Variants in HMGB1 observed in about 807,000 individuals in gnomAD.
The protein encoded by HMGB1 is high mobility group protein B1.
For missense variants in HMGB1, 79 were observed against 253.5 expected (o/e 0.31, Z 4.67); for synonymous variants, 81 against 84.0 (o/e 0.96, Z 0.19).
chr13:30,519,145 C>A (rs1212263800), intron 1 of HMGB1, among the ~76,000 whole-genome samples: 1 of 152,004 alleles, frequency 6.6e-6, no homozygotes, highest in Non-Finnish European at 1.5e-5. Context: ...GTAATCCCTG[C>A]ACTTTGGGAG....
chr13:30,525,462 C>T (rs1342814011), intron 1 of HMGB1, among the ~76,000 whole-genome samples: 1 of 152,140 alleles, frequency 6.6e-6, no homozygotes, highest in Non-Finnish European at 1.5e-5. Context: ...ACTCAAAGAT[C>T]CTTGACAGTA....
At chr13:30,467,887 G>C (rs1886835828), upstream of HMGB1, among the ~76,000 whole-genome samples, 1 of 152,180 alleles carries the variant, frequency 6.6e-6, no homozygotes, top group African/African-American at 2.4e-5. Context: ...TCCTGCCAGG[G>C]TGCATTTATG....
intron 1 of HMGB1, among the ~76,000 whole-genome samples, chr13:30,503,839 T>C (rs1887793403): frequency 2.0e-5 from 3 of 152,024 alleles, no homozygotes; most frequent in Non-Finnish European, 4.4e-5. Context: ...TGAGGACTGC[T>C]TGAGCCCAGG....
chr13:30,603,808 T>A (rs1420900471), intron 1 of HMGB1, among the ~76,000 whole-genome samples: 1 of 152,196 alleles, frequency 6.6e-6, no homozygotes, highest in Non-Finnish European at 1.5e-5. Context: ...TAATACCTCA[T>A]ACGATGAAAA....
At chr13:30,586,487 T>C (rs8002222) in intron 1 of HMGB1, among the ~76,000 whole-genome samples, 19 of 51,652 alleles carry the variant, frequency 3.7e-4, no homozygotes, top group African/African-American at 3.5e-3. Context: ...TTGTTTTTTT[T>C]TTTTTTTTTT....
intron 1 of HMGB1, among the ~76,000 whole-genome samples, chr13:30,488,899 C>T (rs1887425253): frequency 1.3e-5 from 2 of 151,898 alleles, no homozygotes; most frequent in Non-Finnish European, 2.9e-5. Flanking sequence ...TACAGAAATG[C>T]ATACACATAC....
intron 1 of HMGB1, among the ~76,000 whole-genome samples, chr13:30,569,575 C>T (rs1250198960): frequency 6.6e-6 from 1 of 152,062 alleles, no homozygotes; most frequent in African/African-American, 2.4e-5. Flanking sequence ...TAGATGAGAA[C>T]ACTGAGAAGA....
At chr13:30,578,926 G>A (rs1870782544) in intron 1 of HMGB1, among the ~76,000 whole-genome samples, 2 of 152,168 alleles carry the variant, frequency 1.3e-5, no homozygotes, top group Non-Finnish European at 2.9e-5. Context: ...ACTCCTTAAT[G>A]AAGCCTTTCT....
intron 1 of HMGB1, among the ~76,000 whole-genome samples, chr13:30,492,461 T>A (rs545913727): frequency 4.2e-4 from 64 of 152,202 alleles, no homozygotes; most frequent in African/African-American, 1.4e-3. Flanking sequence ...GCAATGCAAT[T>A]TTTTCAGTAG....
chr13:30,593,412 A>G (rs1056812172), intron 1 of HMGB1, among the ~76,000 whole-genome samples: 4 of 152,180 alleles, frequency 2.6e-5, no homozygotes, highest in Non-Finnish European at 4.4e-5. Flanking sequence ...TGAAAGAAAA[A>G]TCCTGTTTCT....
chr13:30,599,793 A>T lies in HMGB1; in HGVS notation c.-15+16878T>A, dbSNP rs534359560. Among the ~76,000 whole-genome samples the T allele has an allele frequency of 4.6e-5, 7 of 152,294 alleles. No individual in the cohort carries two copies. In the South Asian group the frequency reaches 1.5e-3, roughly 32 times the overall value. On this transcript the variant is annotated intron_variant, in intron 1 of 4. Coordinates refer to the HMGB1 transcript ENST00000405805. Reference sequence around the variant, plus strand: ...TCACCTTTTTACGGCCCTGTGTCCAAATACAGTCACATTCCGAGTTCCAGG... The same window carrying T: ...TCACCTTTTTACGGCCCTGTGTCCATATACAGTCACATTCCGAGTTCCAGG...
rs143159170 is a variant in HMGB1 at position 30,587,401 on chromosome 13, C to T, written c.-15+29270G>A. On this transcript the variant is annotated intron_variant, in intron 1 of 4. Coordinates refer to the HMGB1 transcript ENST00000405805. ...GCTATTTGCAGGCATGACCACAGCA[C>T]GCTACAGCATCCTGGCCTCAAGCAA... is the stretch of plus-strand genomic sequence containing the variant. Among the ~76,000 whole-genome samples, 585 of 152,268 alleles carry T rather than the reference C, an allele frequency of 3.8e-3. 2 individuals carry two copies. The highest frequency in any genetic ancestry group is 0.012 in the African/African-American group (497 of 41,556).
rs569385471 is a variant in HMGB1, at chr13:30,519,678, C to T, written c.-14-55984G>A. ...TCGCACCACTGCACTCCAGCCTGGG[C>T]GACAAAGCAAGACTCCATCAATTAA... On this transcript the variant is annotated intron_variant, in intron 1 of 4. Transcript: ENST00000405805. 8.1e-5 allele frequency among the ~76,000 whole-genome samples: 12 copies of T among 147,432 alleles called. No homozygotes were observed. The South Asian group carries it at 1.5e-3, about 19-fold the overall frequency.
At position 30,573,424 on chromosome 13, in the gene HMGB1, TGA is replaced by T. The variant is rs1231287166; in HGVS notation, c.-15+43245_-15+43246del. 7.9e-5 allele frequency among the ~76,000 whole-genome samples: 12 copies of T among 152,306 alleles called. No homozygotes were observed. In the South Asian group the frequency reaches 2.5e-3, roughly 32 times the overall value. ...ATTGAACTTTTTAATGTGAAAAAAA[TGA>T]GAGAATTGTTTCAAAATAGGACCAC... is the stretch of plus-strand genomic sequence containing the variant. On this transcript the variant is annotated intron_variant, in intron 1 of 4. Coordinates refer to the HMGB1 transcript ENST00000405805.
chr13:30,617,171 G>C (rs904757145), exon 1 of HMGB1: 1 of 152,220 alleles, frequency 6.6e-6, no homozygotes, highest in Non-Finnish European at 1.5e-5. Flanking sequence ...TAGTCAGAAC[G>C]GGTCGTGGAA....
chr13:30,522,025 CAATG>C (rs1427840303), intron 1 of HMGB1, among the ~76,000 whole-genome samples: 1 of 151,276 alleles, frequency 6.6e-6, no homozygotes, highest in Non-Finnish European at 1.5e-5. Context: ...TATACACAGT[CAATG>C]AAACAAACAT....
At chr13:30,462,438 T>G in intron 4 of HMGB1, 100 bp downstream of exon 4, 1 of 905,812 alleles carries the variant, frequency 1.1e-6, no homozygotes, top group Non-Finnish European at 1.9e-6. Flanking sequence ...CCATACTTAA[T>G]GTAGCTGTTA....
At chr13:30,587,846 G>A (rs1037445270) in intron 1 of HMGB1, among the ~76,000 whole-genome samples, 2 of 152,170 alleles carry the variant, frequency 1.3e-5, no homozygotes, top group Admixed American at 6.5e-5. Context: ...ATATTTCTGA[G>A]GAACAAACTG....
At chr13:30,532,720 G>T (rs1282514053) in intron 1 of HMGB1, among the ~76,000 whole-genome samples, 1 of 152,086 alleles carries the variant, frequency 6.6e-6, no homozygotes, top group Admixed American at 6.6e-5. Flanking sequence ...TGTTAGCTAG[G>T]CTGGTCTCAA....
Sources: gnomAD v4.1 joint callset for allele counts (sites outside exome capture counted in the v4.1 genomes callset) on GRCh38, gnomAD v4.1.1 for gene constraint, MANE v1.5 for transcripts, NCBI Gene and HGNC (gene_info 2026-07-23, HGNC 2026-07-21) for gene names.